Variants in PHF20 observed in about 807,000 individuals in gnomAD.
The protein encoded by PHF20 is glioma-expressed antigen 2.
Under a neutral mutation model 113.5 loss-of-function variants are expected in PHF20, and 23 were observed. The observed-to-expected ratio is 0.20, with a 90% CI of 0.15 to 0.29. The LOEUF (loss-of-function observed/expected upper bound fraction) is 0.29, where lower values mean the gene tolerates loss of function less well. PHF20 is among the 10% of genes least tolerant of loss of function. PHF20 has a pLI of 1.00. For missense variants in PHF20, 943 were observed against 1,219.6 expected (o/e 0.77, Z 3.38); for synonymous variants, 434 against 457.3 (o/e 0.95, Z 0.65).
At chr20:35,792,478 C>A (rs531681897) in intron 1 of PHF20, among the ~76,000 whole-genome samples, 1 of 152,062 alleles carries the variant, frequency 6.6e-6, no homozygotes. Flanking sequence ...CGTGAGCCAC[C>A]GTGCCTGGCT....
At chr20:35,802,466 A>G (rs186529065) in intron 2 of PHF20, among the ~76,000 whole-genome samples, 2 of 151,890 alleles carry the variant, frequency 1.3e-5, no homozygotes, top group East Asian at 3.9e-4. Flanking sequence ...AGTAGCTGGT[A>G]TTGCAGATGT....
intron 1 of PHF20, among the ~76,000 whole-genome samples, chr20:35,781,797 T>C (rs1421763596): frequency 6.6e-6 from 1 of 151,998 alleles, no homozygotes; most frequent in Non-Finnish European, 1.5e-5. Context: ...ATACAAAAAT[T>C]AGCTGGGCGT....
intron 14 of PHF20, among the ~76,000 whole-genome samples, chr20:35,929,979 T>C (rs960732474): frequency 6.6e-6 from 1 of 152,250 alleles, no homozygotes; most frequent in African/African-American, 2.4e-5. Context: ...TTTATAGATA[T>C]TGACAGTCGA....
At chr20:35,866,637 C>G (rs1418009214) in intron 6 of PHF20, among the ~76,000 whole-genome samples, 1 of 152,166 alleles carries the variant, frequency 6.6e-6, no homozygotes, top group Non-Finnish European at 1.5e-5. Context: ...AGAAATCTGA[C>G]ATGTCCTTAG....
chr20:35,865,628 G>A (rs549963049), intron 6 of PHF20, among the ~76,000 whole-genome samples: 37 of 148,618 alleles, frequency 2.5e-4, no homozygotes, highest in African/African-American at 9.2e-4. Context: ...TCAGCCTCCT[G>A]AGTAGCTGGG....
chr20:35,874,174 C>T (rs918785428), intron 9 of PHF20, among the ~76,000 whole-genome samples: 15 of 152,082 alleles, frequency 9.9e-5, no homozygotes, highest in African/African-American at 3.1e-4. Context: ...TGGGGTTTCA[C>T]CATGTTGGTC....
At chr20:35,927,091 C>T (rs1433529238) in intron 13 of PHF20, among the ~76,000 whole-genome samples, 2 of 152,176 alleles carry the variant, frequency 1.3e-5, no homozygotes, top group Admixed American at 6.5e-5. Flanking sequence ...GCCCTCTCCC[C>T]CTGTCCCCTC....
intron 9 of PHF20, among the ~76,000 whole-genome samples, chr20:35,887,072 A>G (rs1044528606): frequency 6.6e-6 from 1 of 152,226 alleles, no homozygotes; most frequent in Non-Finnish European, 1.5e-5. Flanking sequence ...GATACTGGCA[A>G]TGGGTACACA....
At chr20:35,834,298 T>G (rs75598057) in intron 2 of PHF20, among the ~76,000 whole-genome samples, 23,922 of 145,304 alleles carry the variant, frequency 0.16, 2,077 homozygotes, top group African/African-American at 0.23. Context: ...TGTTTCCCAG[T>G]CTGGAGTGCA....
intron 2 of PHF20, among the ~76,000 whole-genome samples, chr20:35,835,139 G>A (rs2042417501): frequency 1.3e-5 from 2 of 152,110 alleles, no homozygotes; most frequent in South Asian, 4.2e-4. Flanking sequence ...GCTGGGTGTG[G>A]TGGCGGGCGC....
chr20:35,848,899 A>G (rs1054073052), intron 4 of PHF20, among the ~76,000 whole-genome samples: 4 of 151,252 alleles, frequency 2.6e-5, no homozygotes, highest in African/African-American at 9.7e-5. Flanking sequence ...TGCTTCCTCC[A>G]TAAGCTAAAA....
intron 15 of PHF20, among the ~76,000 whole-genome samples, chr20:35,933,049 A>G (rs2055791120): frequency 6.6e-6 from 1 of 152,050 alleles, no homozygotes; most frequent in African/African-American, 2.4e-5. Flanking sequence ...AGGCTGAGTA[A>G]TAACTTGTTT....
chr20:35,853,657 C>G (rs1460005823), intron 4 of PHF20, among the ~76,000 whole-genome samples: 1 of 152,080 alleles, frequency 6.6e-6, no homozygotes, highest in African/African-American at 2.4e-5. Context: ...ACTTGTGAGG[C>G]AGAGACAGTA....
intron 2 of PHF20, among the ~76,000 whole-genome samples, chr20:35,828,115 C>CT: frequency 6.6e-6 from 1 of 152,066 alleles, no homozygotes; most frequent in East Asian, 1.9e-4. Context: ...CCTCCGCCTC[C>CT]TGGGTTCAAG....
At chr20:35,897,909 T>G (rs1003421123) in intron 9 of PHF20, among the ~76,000 whole-genome samples, 1 of 150,670 alleles carries the variant, frequency 6.6e-6, no homozygotes, top group Non-Finnish European at 1.5e-5. Context: ...AGAGTCTTGC[T>G]CTGTCACCCA....
chr20:35,846,233 G>A (rs1224793964), intron 3 of PHF20, among the ~76,000 whole-genome samples: 1 of 150,528 alleles, frequency 6.6e-6, no homozygotes, highest in Admixed American at 6.6e-5. Context: ...AGCCTGGAGT[G>A]CAATGGCGCA....
chr20:35,839,246 C>T (rs931111361), intron 2 of PHF20, among the ~76,000 whole-genome samples: 1 of 151,678 alleles, frequency 6.6e-6, no homozygotes, highest in Non-Finnish European at 1.5e-5. Flanking sequence ...AAAAAATTAG[C>T]CGGGCGTGGT....
At chr20:35,920,069 G>T (rs928385976) in intron 13 of PHF20, among the ~76,000 whole-genome samples, 3 of 152,182 alleles carry the variant, frequency 2.0e-5, no homozygotes, top group Non-Finnish European at 4.4e-5. Context: ...AATCACTCCC[G>T]CAATCAAGGT....
At chr20:35,792,155 G>A (rs2041569137) in intron 1 of PHF20, among the ~76,000 whole-genome samples, 1 of 152,078 alleles carries the variant, frequency 6.6e-6, no homozygotes, top group Non-Finnish European at 1.5e-5. Context: ...TATCTGGGAA[G>A]AAAGTGGGTG....
Sources: gnomAD v4.1 joint callset for allele counts (sites outside exome capture counted in the v4.1 genomes callset) on GRCh38, gnomAD v4.1.1 for gene constraint, MANE v1.5 for transcripts, NCBI Gene and HGNC (gene_info 2026-07-23, HGNC 2026-07-21) for gene names.